PPARGC1A: variants seen among roughly 807,000 people sequenced by gnomAD.
PPARGC1A encodes the protein peroxisome proliferator-activated receptor gamma coactivator 1-alpha.
In PPARGC1A, 25 loss-of-function variants were observed where a neutral mutation model predicts 88.7. The ratio of observed to expected loss-of-function variants is 0.28; its 90% CI spans 0.21 to 0.39. The LOEUF (loss-of-function observed/expected upper bound fraction) is 0.39. Among genes scored for constraint, PPARGC1A ranks in the 10% least tolerant of loss-of-function variants. The pLI is 1.00. For synonymous variants in PPARGC1A, 363 were observed against 355.6 expected (o/e 1.02, Z -0.24); for missense variants, 880 against 968.7 (o/e 0.91, Z 1.22).
At chr4:24,015,633 G>A in the PPARGC1A span, among the ~76,000 whole-genome samples, 4 of 152,204 alleles carry the variant, frequency 2.6e-5, no homozygotes, top group Admixed American at 6.5e-5. Context: ...TCACAGTGGC[G>A]TGTGTGCGTG....
the PPARGC1A span, among the ~76,000 whole-genome samples, chr4:24,464,718 ACTACAGAGGGG>A: frequency 6.6e-6 from 1 of 152,184 alleles, no homozygotes; most frequent in South Asian, 2.1e-4. Flanking sequence ...AGACGTGCAC[ACTACAGAGGGG>A]AAGCAGATTA....
At chr4:23,898,862 G>A (rs1479550466) in intron 1 of PPARGC1A, among the ~76,000 whole-genome samples, 1 of 140,542 alleles carries the variant, frequency 7.1e-6, no homozygotes, top group East Asian at 2.1e-4. Context: ...TTGAGACAGA[G>A]TCTTGCTTTT....
the PPARGC1A span, among the ~76,000 whole-genome samples, chr4:24,274,107 G>A: frequency 6.6e-6 from 1 of 152,038 alleles, no homozygotes; most frequent in African/African-American, 2.4e-5. Flanking sequence ...CATACATTTG[G>A]AAATGAATTT....
the PPARGC1A span, among the ~76,000 whole-genome samples, chr4:24,447,239 C>T: frequency 6.6e-6 from 1 of 152,220 alleles, no homozygotes; most frequent in East Asian, 1.9e-4. Flanking sequence ...ACAATTGACA[C>T]TTCCATCATT....
chr4:24,028,240 T>C, the PPARGC1A span, among the ~76,000 whole-genome samples: 1 of 152,188 alleles, frequency 6.6e-6, no homozygotes, highest in Middle Eastern at 3.2e-3. Context: ...AGATTTAAAA[T>C]GACAAAATAA....
the PPARGC1A span, among the ~76,000 whole-genome samples, chr4:24,183,614 C>T: frequency 8.5e-5 from 13 of 152,160 alleles, no homozygotes; most frequent in African/African-American, 2.9e-4. Flanking sequence ...ATATTCAGAA[C>T]AGACTTGCAG....
chr4:24,389,344 TA>T, the PPARGC1A span, among the ~76,000 whole-genome samples: 2 of 152,086 alleles, frequency 1.3e-5, no homozygotes, highest in Non-Finnish European at 2.9e-5. Context: ...ATTTTGCTTA[TA>T]CTATAAAGGC....
chr4:23,899,374 T>TG (rs1472306613), upstream of PPARGC1A: 2 of 152,250 alleles, frequency 1.3e-5, no homozygotes, highest in Non-Finnish European at 2.9e-5. Flanking sequence ...AGTGATCTCC[T>TG]GCATTGTGTT....
the PPARGC1A span, among the ~76,000 whole-genome samples, chr4:24,055,389 G>A: frequency 6.6e-6 from 1 of 152,198 alleles, no homozygotes; most frequent in Admixed American, 6.5e-5. Flanking sequence ...ACAGTTCCGT[G>A]AGCCTTAGTT....
the PPARGC1A span, among the ~76,000 whole-genome samples, chr4:24,072,643 T>C: frequency 6.6e-6 from 1 of 152,096 alleles, no homozygotes; most frequent in Non-Finnish European, 1.5e-5. Context: ...CTTCAAAACC[T>C]CAAAAAATCA....
At chr4:23,834,277 G>A (rs967894059) in intron 2 of PPARGC1A, among the ~76,000 whole-genome samples, 14 of 152,042 alleles carry the variant, frequency 9.2e-5, no homozygotes, top group Admixed American at 6.5e-5. Context: ...TCCAGCCTGG[G>A]CGACACAGCG....
chr4:24,021,790 A>G, the PPARGC1A span, among the ~76,000 whole-genome samples: 1 of 152,336 alleles, frequency 6.6e-6, no homozygotes, highest in African/African-American at 2.4e-5. Flanking sequence ...AGTGCCTGAC[A>G]GTAAGCATCA....
the PPARGC1A span, among the ~76,000 whole-genome samples, chr4:24,256,049 TG>T: frequency 6.6e-6 from 1 of 152,322 alleles, no homozygotes; most frequent in East Asian, 1.9e-4. Flanking sequence ...ACCATCTTCC[TG>T]TGAAGCAGTG....
chr4:24,150,965 T>A, the PPARGC1A span, among the ~76,000 whole-genome samples: 1 of 152,212 alleles, frequency 6.6e-6, no homozygotes, highest in African/African-American at 2.4e-5. Flanking sequence ...ATGCCTATGC[T>A]GTTCCAATTG....
chr4:24,403,666 T>C, the PPARGC1A span, among the ~76,000 whole-genome samples: 1 of 152,218 alleles, frequency 6.6e-6, no homozygotes, highest in East Asian at 1.9e-4. Context: ...AGAAGATCTC[T>C]TAGGCTCATG....
chr4:23,845,438 G>T (rs1029589961), intron 2 of PPARGC1A, among the ~76,000 whole-genome samples: 4 of 152,096 alleles, frequency 2.6e-5, no homozygotes, highest in African/African-American at 9.7e-5. Flanking sequence ...TAAGATTGCG[G>T]ACACTAAGAT....
At chr4:24,283,718 T>C in the PPARGC1A span, among the ~76,000 whole-genome samples, 1 of 152,148 alleles carries the variant, frequency 6.6e-6, no homozygotes, top group Non-Finnish European at 1.5e-5. Context: ...CCATACCACC[T>C]AGACTGAAAT....
At chr4:24,031,011 T>C in the PPARGC1A span, among the ~76,000 whole-genome samples, 5 of 151,374 alleles carry the variant, frequency 3.3e-5, no homozygotes, top group Admixed American at 6.6e-5. Context: ...AAATGAGGAG[T>C]CTCTGAGCTG....
chr4:24,253,352 A>T, the PPARGC1A span, among the ~76,000 whole-genome samples: 2 of 152,198 alleles, frequency 1.3e-5, no homozygotes, highest in African/African-American at 4.8e-5. Context: ...GAGGCAAGGG[A>T]ATGAGAATGT....
Sources: gnomAD v4.1 joint callset for allele counts (sites outside exome capture counted in the v4.1 genomes callset) on GRCh38, gnomAD v4.1.1 for gene constraint, MANE v1.5 for transcripts, NCBI Gene and HGNC (gene_info 2026-07-23, HGNC 2026-07-21) for gene names.